The following ANKRD17 variants were observed in gnomAD, a reference collection of about 807,000 sequenced individuals.
The protein encoded by ANKRD17 is ankyrin repeat domain-containing protein 17.
Under a neutral mutation model 229.7 loss-of-function variants are expected in ANKRD17, and 19 were observed. That is an observed-to-expected ratio of 0.08 (90% confidence interval 0.06 to 0.12). ANKRD17 has a LOEUF of 0.12. ANKRD17 is among the 10% of genes least tolerant of loss of function. The pLI, the probability that ANKRD17 is intolerant of heterozygous loss-of-function variation, is 1.00. For missense variants in ANKRD17, 2,176 were observed against 3,176.8 expected (o/e 0.68, Z 7.57); for synonymous variants, 1,112 against 1,146.1 (o/e 0.97, Z 0.60).
rs559850732 is a variant in ANKRD17, at chr4:73,078,301, C to T, written c.7408+341G>A. On this transcript the variant is annotated intron_variant, in intron 31 of 33. Coordinates refer to ENST00000358602, the MANE Select transcript of ANKRD17 (RefSeq NM_032217.5). ...ATGAGGCAGGAGAATGGCATGAACC[C>T]GGGAGGCGGAGCTTGCAGTGAGCAG... Among the ~76,000 whole-genome samples, 66 of 151,990 alleles carry T rather than the reference C, an allele frequency of 4.3e-4. 1 individual carries two copies. Among genetic ancestry groups the T allele is most frequent in the African/African-American group, 1.5e-3 (62 of 41,452 alleles).
chr4:73,131,548 C>A (rs1728199914), intron 16 of ANKRD17, among the ~76,000 whole-genome samples: 1 of 152,118 alleles, frequency 6.6e-6, no homozygotes, highest in African/African-American at 2.4e-5. Flanking sequence ...TTTCTGTGAT[C>A]CCACTTACCA....
At chr4:73,216,532 C>G (rs1245923286) in intron 1 of ANKRD17, among the ~76,000 whole-genome samples, 1 of 152,192 alleles carries the variant, frequency 6.6e-6, no homozygotes, top group Non-Finnish European at 1.5e-5. Context: ...AAAGGGTTAA[C>G]AGTTAAGGGT....
rs755447591 is a variant in ANKRD17, at chr4:73,092,146, C to T, written c.5482G>A (p.Ala1828Thr). 2.2e-5 allele frequency: 36 copies of T among 1,614,130 alleles called. No homozygotes were observed. The highest frequency in any genetic ancestry group is 2.9e-5 in the Non-Finnish European group (34 of 1,180,024). The change falls in exon 29 of 34, where the codon GCT becomes ACT. Residue 1828 changes from alanine to threonine, a missense_variant. By Grantham distance (58) the Ala-to-Thr change is moderately conservative (BLOSUM62 0). This residue lies in a region of ANKRD17 where 142 missense variants were observed against 200.4 expected (regional missense o/e 0.71). Transcript: ENST00000358602. ...IGSSAPTTTAANTSLMGIKMT... is the reference protein window; with the variant it reads ...IGSSAPTTTATNTSLMGIKMT... ...TTAATTCCCATTAAGGAAGTGTTAG[C>T]AGCAGTGGTGGTAGGTGCTGATGAC...
intron 24 of ANKRD17, among the ~76,000 whole-genome samples, chr4:73,103,832 T>TG (rs1724292293): frequency 6.6e-6 from 1 of 151,984 alleles, no homozygotes; most frequent in African/African-American, 2.4e-5. Context: ...TCTCCGGTTT[T>TG]TTTTTTTTTT....
Position 73,097,098 on chromosome 4 carries a change from G to A in ANKRD17, c.5177+19C>T, listed in dbSNP as rs370676772. The A allele has an allele frequency of 1.2e-4, 188 of 1,604,664 alleles. No homozygotes were observed. Among genetic ancestry groups the A allele is most frequent in the Non-Finnish European group, 1.2e-4 (144 of 1,176,652 alleles). ...GTGATATATAGCACATAAAAAGAAT[G>A]ACAAAAACAATTACTCACCTTCTTA... On this transcript the variant is annotated intron_variant, in intron 27 of 33. Transcript: ENST00000358602.
chr4:73,229,670 G>A (rs575387903), intron 1 of ANKRD17, among the ~76,000 whole-genome samples: 8 of 150,414 alleles, frequency 5.3e-5, no homozygotes, highest in African/African-American at 1.9e-4. Context: ...ATATACAGGT[G>A]GAGAAGAGAG....
intron 1 of ANKRD17, among the ~76,000 whole-genome samples, chr4:73,224,325 C>T (rs1444077375): frequency 6.6e-6 from 1 of 152,154 alleles, no homozygotes; most frequent in African/African-American, 2.4e-5. Context: ...GTACTATCTC[C>T]TCAAAGTGAT....
At position 73,155,613 on chromosome 4, in the gene ANKRD17, AAAAG is replaced by A; in HGVS notation, c.1000+14_1000+17del. The A allele has an allele frequency of 2.5e-6, 4 of 1,612,558 alleles. No individual in the cohort carries two copies. The highest frequency in any genetic ancestry group is 2.7e-5 in the African/African-American group (2 of 75,012). On this transcript the variant is annotated intron_variant, in intron 5 of 33. Transcript: ENST00000358602. ...TGATGTTACTATGTAGTAAAACTGA[AAAAG>A]AAATAGGCATGACCTGTTGAAGACT... is the stretch of plus-strand genomic sequence containing the variant.
chr4:73,110,462 C>T (rs1245134111), intron 24 of ANKRD17, among the ~76,000 whole-genome samples: 1 of 152,120 alleles, frequency 6.6e-6, no homozygotes, highest in Non-Finnish European at 1.5e-5. Flanking sequence ...ACCACCATGC[C>T]CAGTTTTCTG....
chr4:73,150,985 A>C (rs1031308780), intron 7 of ANKRD17, among the ~76,000 whole-genome samples: 1 of 152,298 alleles, frequency 6.6e-6, no homozygotes, highest in East Asian at 1.9e-4. Context: ...TATGCTTATT[A>C]ATAATGTACA....
intron 1 of ANKRD17, among the ~76,000 whole-genome samples, chr4:73,200,711 A>G (rs1318588219): frequency 6.6e-6 from 1 of 152,100 alleles, no homozygotes; most frequent in Admixed American, 6.6e-5. Flanking sequence ...CCAATTTATA[A>G]GTCACATAAA....
intron 6 of ANKRD17, among the ~76,000 whole-genome samples, chr4:73,152,277 G>A (rs956797501): frequency 2.6e-5 from 4 of 152,280 alleles, no homozygotes; most frequent in Non-Finnish European, 4.4e-5. Context: ...AGATAGTGGA[G>A]TCACAGGTAA....
intron 1 of ANKRD17, among the ~76,000 whole-genome samples, chr4:73,238,814 A>G (rs143438172): frequency 2.1e-3 from 321 of 152,286 alleles, no homozygotes; most frequent in African/African-American, 7.4e-3. Flanking sequence ...GAGAGTTAAG[A>G]AAGCAGACTT....
At chr4:73,095,208 A>G (rs1723168152) in intron 27 of ANKRD17, among the ~76,000 whole-genome samples, 1 of 152,116 alleles carries the variant, frequency 6.6e-6, no homozygotes, top group African/African-American at 2.4e-5. Flanking sequence ...ACTTCCCTGT[A>G]TTCTTATAGT....
intron 1 of ANKRD17, among the ~76,000 whole-genome samples, chr4:73,220,248 C>G (rs1279075410): frequency 6.6e-6 from 1 of 152,092 alleles, no homozygotes; most frequent in Non-Finnish European, 1.5e-5. Flanking sequence ...GAGCTGTCAG[C>G]CCTTTTTCTG....
chr4:73,235,453 G>A (rs1285363812), intron 1 of ANKRD17, among the ~76,000 whole-genome samples: 5 of 152,214 alleles, frequency 3.3e-5, no homozygotes, highest in African/African-American at 1.2e-4. Context: ...ACACATTAAA[G>A]TTATAGAGCT....
intron 11 of ANKRD17, among the ~76,000 whole-genome samples, chr4:73,144,294 T>C (rs1729963468): frequency 6.6e-6 from 1 of 152,236 alleles, no homozygotes; most frequent in Non-Finnish European, 1.5e-5. Flanking sequence ...CACATTTCTA[T>C]TGTGAACATT....
chr4:73,108,221 G>T (rs1490827401), intron 24 of ANKRD17, among the ~76,000 whole-genome samples: 1 of 152,190 alleles, frequency 6.6e-6, no homozygotes, highest in Non-Finnish European at 1.5e-5. Context: ...TGAGCAATAA[G>T]AGTTGTGGGT....
chr4:73,134,416 A>T (rs184689099), intron 16 of ANKRD17, among the ~76,000 whole-genome samples: 118 of 152,344 alleles, frequency 7.7e-4, no homozygotes, highest in Non-Finnish European at 1.4e-3. Context: ...TCTTGACCTT[A>T]TTCAGCAGTC....
Sources: gnomAD v4.1 joint callset for allele counts (sites outside exome capture counted in the v4.1 genomes callset) on GRCh38, gnomAD v4.1.1 for gene constraint, gnomAD v4.1.1 regional missense constraint, MANE v1.5 for transcripts, NCBI Gene and HGNC (gene_info 2026-07-23, HGNC 2026-07-21) for gene names.